Variants in SEL1L2 observed in about 807,000 individuals in gnomAD.
The protein encoded by SEL1L2 is protein sel-1 homolog 2.
Under a neutral mutation model 98.8 loss-of-function variants are expected in SEL1L2, and 89 were observed. That is an observed-to-expected ratio of 0.90 (90% CI 0.76 to 1.07). The LOEUF (loss-of-function observed/expected upper bound fraction) is 1.07. SEL1L2 is among the 50% of genes least tolerant of loss of function. The pLI is 0.00. For synonymous variants in SEL1L2, 262 were observed against 278.5 expected, an observed-to-expected ratio of 0.94 and a Z score of 0.59; for missense variants, 788 against 812.0, an observed-to-expected ratio of 0.97 and a Z score of 0.36.
intron 18 of SEL1L2, among the ~76,000 whole-genome samples, chr20:13,856,109 A>C (rs1989115661): frequency 6.6e-6 from 1 of 152,022 alleles, no homozygotes; most frequent in Non-Finnish European, 1.5e-5. Flanking sequence ...AGTACTTACA[A>C]ATCAAGTATC....
chr20:13,930,079 T>C (rs80352186), intron 3 of SEL1L2, among the ~76,000 whole-genome samples: 2,111 of 152,308 alleles, frequency 0.014, 53 homozygotes, highest in African/African-American at 0.046. Flanking sequence ...GCATAGGCAA[T>C]GGCCACCGGC....
intron 3 of SEL1L2, among the ~76,000 whole-genome samples, chr20:13,921,216 C>T (rs1255287470): frequency 2.0e-5 from 3 of 152,090 alleles, no homozygotes; most frequent in Admixed American, 2.0e-4. Flanking sequence ...TCTGTTGCCC[C>T]GGTTGGAGTG....
Position 13,870,211 on chromosome 20 carries a change from A to C in SEL1L2, c.1105-8T>G. The C allele has an allele frequency of 6.2e-7, 1 of 1,600,180 alleles. No homozygotes were observed. Among genetic ancestry groups the C allele is most frequent in the Non-Finnish European group, 8.5e-7 (1 of 1,173,376 alleles). ...AAGGCCGATTGCATTGCCCTAGAAG[A>C]GTTTTATAAAGCCAAGTAAAGTCCC... is the stretch of plus-strand genomic sequence containing the variant. On this transcript the variant is annotated splice_polypyrimidine_tract_variant and splice_region_variant and intron_variant, in intron 12 of 19. Transcript: ENST00000284951.
intron 13 of SEL1L2, 44 bp downstream of exon 13, chr20:13,870,097 G>T: frequency 7.1e-7 from 1 of 1,399,944 alleles, no homozygotes; most frequent in Non-Finnish European, 1.0e-6. Context: ...ATTTTACCCT[G>T]TAAATTGCTA....
intron 12 of SEL1L2, among the ~76,000 whole-genome samples, chr20:13,870,793 C>T (rs142535475): frequency 6.6e-6 from 1 of 152,000 alleles, no homozygotes; most frequent in African/African-American, 2.4e-5. Flanking sequence ...TGTGGTGGCA[C>T]ACACCTGTAA....
intron 1 of SEL1L2, among the ~76,000 whole-genome samples, chr20:13,977,557 C>A (rs2051602974): frequency 6.6e-6 from 1 of 152,014 alleles, no homozygotes; most frequent in Admixed American, 6.6e-5. Flanking sequence ...TTGGGATATA[C>A]ATAAAATGGG....
At chr20:13,901,667 C>CT (rs201961117) in intron 5 of SEL1L2, among the ~76,000 whole-genome samples, 2,975 of 139,608 alleles carry the variant, frequency 0.021, 45 homozygotes, top group Non-Finnish European at 0.032. Flanking sequence ...AAATTTTTTT[C>CT]TTTTTTTTTT....
intron 2 of SEL1L2, among the ~76,000 whole-genome samples, chr20:13,943,979 T>A (rs1465654276): frequency 2.0e-5 from 3 of 151,790 alleles, no homozygotes; most frequent in Non-Finnish European, 4.4e-5. Flanking sequence ...AAGATGGGGG[T>A]AGAACTTCTC....
chr20:13,881,740 A>G (rs76576832), intron 10 of SEL1L2, among the ~76,000 whole-genome samples: 2 of 152,336 alleles, frequency 1.3e-5, no homozygotes, highest in East Asian at 1.9e-4. Context: ...ATTTCCAGGT[A>G]TCTTGAAATT....
chr20:13,894,251 G>T (rs1414818958), intron 5 of SEL1L2, among the ~76,000 whole-genome samples: 1 of 152,114 alleles, frequency 6.6e-6, no homozygotes, highest in Non-Finnish European at 1.5e-5. Context: ...TAAAAGTTAG[G>T]TTTTTTAAAA....
At chr20:13,854,849 T>C (rs6042392) in intron 18 of SEL1L2, among the ~76,000 whole-genome samples, 132,199 of 152,086 alleles carry the variant, frequency 0.87, 57,569 homozygotes, top group South Asian at 0.93. Flanking sequence ...GTCAAGAGAT[T>C]GAGACCATCC....
intron 5 of SEL1L2, among the ~76,000 whole-genome samples, chr20:13,893,298 T>G (rs2047283604): frequency 6.6e-6 from 1 of 152,100 alleles, no homozygotes; most frequent in South Asian, 2.1e-4. Flanking sequence ...TTCCCCCTTT[T>G]CCTCCACAGA....
intron 12 of SEL1L2, among the ~76,000 whole-genome samples, chr20:13,874,542 A>G (rs1336068744): frequency 6.6e-6 from 1 of 152,148 alleles, no homozygotes; most frequent in Non-Finnish European, 1.5e-5. Flanking sequence ...CATTATTCTT[A>G]TGGGCTGACA....
intron 2 of SEL1L2, among the ~76,000 whole-genome samples, chr20:13,939,043 T>TTTTTTTTTC (rs1569006486): frequency 4.0e-4 from 47 of 117,646 alleles, no homozygotes; most frequent in Admixed American, 3.6e-3. Context: ...TTGTTTTGTT[T>TTTTTTTTTC]TTTTTTTTTT....
chr20:13,853,735 A>C (rs1988687210), intron 18 of SEL1L2, among the ~76,000 whole-genome samples: 1 of 152,172 alleles, frequency 6.6e-6, no homozygotes, highest in Admixed American at 6.5e-5. Context: ...GCAGGGATTC[A>C]AATCTCAGAT....
chr20:13,923,795 T>C (rs1199862375), intron 3 of SEL1L2, among the ~76,000 whole-genome samples: 2 of 152,150 alleles, frequency 1.3e-5, no homozygotes, highest in Non-Finnish European at 2.9e-5. Flanking sequence ...ATATTATATA[T>C]TCTTTAATTA....
intron 2 of SEL1L2, among the ~76,000 whole-genome samples, chr20:13,945,466 A>G (rs1276383946): frequency 6.6e-6 from 1 of 151,170 alleles, no homozygotes; most frequent in Non-Finnish European, 1.5e-5. Flanking sequence ...ATTACACACT[A>G]TGTACATTTT....
intron 4 of SEL1L2, among the ~76,000 whole-genome samples, chr20:13,918,589 G>T (rs2048511657): frequency 6.6e-6 from 1 of 152,080 alleles, no homozygotes; most frequent in Non-Finnish European, 1.5e-5. Flanking sequence ...GACTGTTCTG[G>T]GGATAACATG....
chr20:13,857,385 C>T (rs574843583), intron 18 of SEL1L2, among the ~76,000 whole-genome samples: 1 of 152,204 alleles, frequency 6.6e-6, no homozygotes, highest in Non-Finnish European at 1.5e-5. Flanking sequence ...GTCTCAACAA[C>T]TACTATTTGA....
Sources: gnomAD v4.1 joint callset for allele counts (sites outside exome capture counted in the v4.1 genomes callset) on GRCh38, gnomAD v4.1.1 for gene constraint, MANE v1.5 for transcripts, NCBI Gene and HGNC (gene_info 2026-07-23, HGNC 2026-07-21) for gene names.